MYT1L: variants seen among roughly 807,000 people sequenced by gnomAD.
The protein encoded by MYT1L is myelin transcription factor 1-like protein.
MYT1L carries 12 observed loss-of-function variants against 126.7 expected under a neutral mutation model. The ratio of observed to expected loss-of-function variants is 0.09; its 90% CI spans 0.06 to 0.15. The LOEUF is 0.15. MYT1L is among the 10% of genes least tolerant of loss of function. The pLI is 1.00. For synonymous variants in MYT1L, 541 were observed against 604.2 expected (o/e 0.90, Z 1.53); for missense variants, 979 against 1,585.2 (o/e 0.62, Z 6.49).
chr2:2,095,885 G>A (rs1165629757), intron 3 of MYT1L, among the ~76,000 whole-genome samples: 1 of 152,154 alleles, frequency 6.6e-6, no homozygotes. Flanking sequence ...TGCCCAGGGG[G>A]AATTGCACAG....
intron 5 of MYT1L, among the ~76,000 whole-genome samples, chr2:1,985,779 G>GCCC (rs1039658381): frequency 2.0e-5 from 3 of 152,158 alleles, no homozygotes; most frequent in African/African-American, 7.2e-5. Flanking sequence ...CTTGTAATAG[G>GCCC]CCCCCTAGAG....
At chr2:2,023,306 G>A (rs899547294) in intron 4 of MYT1L, among the ~76,000 whole-genome samples, 2 of 152,194 alleles carry the variant, frequency 1.3e-5, no homozygotes, top group Non-Finnish European at 2.9e-5. Context: ...TGCATGAACT[G>A]TTCATCTCAG....
At chr2:1,871,917 G>A (rs898999526) in intron 18 of MYT1L, among the ~76,000 whole-genome samples, 14 of 152,100 alleles carry the variant, frequency 9.2e-5, no homozygotes, top group African/African-American at 1.7e-4. Flanking sequence ...AGAGGTCATC[G>A]CTGAGACATG....
At chr2:1,839,578 G>A (rs2041378180) in intron 20 of MYT1L, among the ~76,000 whole-genome samples, 1 of 152,248 alleles carries the variant, frequency 6.6e-6, no homozygotes, top group African/African-American at 2.4e-5. Flanking sequence ...CTGCGCAGAA[G>A]GCCTGACCCA....
At position 2,198,189 on chromosome 2, in the gene MYT1L, A is replaced by T. The variant is rs184844334; in HGVS notation, c.-420-25201T>A. On this transcript the variant is annotated intron_variant, in intron 2 of 24. Transcript: ENST00000647738. ...AGAAAGACAAACACTGCATGATTTCATTCATACATAGAGGCTAAAACAGTT... is the reference window on the plus strand; with the variant it reads ...AGAAAGACAAACACTGCATGATTTCTTTCATACATAGAGGCTAAAACAGTT... Among the ~76,000 whole-genome samples the T allele has an allele frequency of 2.8e-3, 420 of 152,322 alleles. 4 individuals are homozygous for T. The highest frequency in any genetic ancestry group is 3.8e-3 in the Non-Finnish European group (259 of 68,038).
chr2:1,940,580 G>C (rs900531866), intron 9 of MYT1L, among the ~76,000 whole-genome samples: 13 of 149,848 alleles, frequency 8.7e-5, no homozygotes, highest in Admixed American at 5.3e-4. Context: ...AGTAAACTGG[G>C]TGCACCTGTC....
chr2:2,044,831 G>A (rs1195717274), intron 4 of MYT1L, among the ~76,000 whole-genome samples: 2 of 152,194 alleles, frequency 1.3e-5, no homozygotes, highest in Non-Finnish European at 2.9e-5. Context: ...TGTTCCCGAT[G>A]CCTCAACCCC....
chr2:2,188,764 CAG>C (rs2092384202), intron 2 of MYT1L, among the ~76,000 whole-genome samples: 1 of 152,266 alleles, frequency 6.6e-6, no homozygotes, highest in East Asian at 1.9e-4. Context: ...TTAAGAAAAT[CAG>C]AGAGAAGAAG....
chr2:1,948,520 A>G (rs1295836593), intron 8 of MYT1L, among the ~76,000 whole-genome samples: 1 of 152,174 alleles, frequency 6.6e-6, no homozygotes, highest in African/African-American at 2.4e-5. Flanking sequence ...AAAGGTTTAG[A>G]ATATTTCAAA....
chr2:1,851,613 T>G (rs1267148044), intron 19 of MYT1L, 28 bp downstream of exon 19: 3 of 1,605,090 alleles, frequency 1.9e-6, no homozygotes, highest in African/African-American at 1.3e-5. Flanking sequence ...AAGAGCATTT[T>G]GGAGAGAAGA....
intron 3 of MYT1L, among the ~76,000 whole-genome samples, chr2:2,113,760 C>T (rs1186614456): frequency 2.6e-5 from 4 of 152,304 alleles, no homozygotes; most frequent in African/African-American, 9.6e-5. Context: ...GAAAACATTA[C>T]TGCCTCCATT....
rs1317099721 is a variant in MYT1L at position 1,969,742 on chromosome 2, C to T, written c.152+9423G>A. 3.9e-5 allele frequency among the ~76,000 whole-genome samples: 6 copies of T among 152,306 alleles called. No homozygotes were observed. The East Asian group carries it at 1.2e-3, about 29-fold the overall frequency. On this transcript the variant is annotated intron_variant, in intron 8 of 24. Coordinates refer to ENST00000647738, the MANE Select transcript of MYT1L (RefSeq NM_001303052.2). Reference sequence around the variant, plus strand: ...CTTCCAGAAAGGCCTTCCTGCAGCCCTCTCTGGACACTGAGGGCAGCTGTC... The same window carrying T: ...CTTCCAGAAAGGCCTTCCTGCAGCCTTCTCTGGACACTGAGGGCAGCTGTC...
At chr2:1,813,100 TTCCGCCG>T (rs1245417873) in intron 21 of MYT1L, among the ~76,000 whole-genome samples, 2 of 152,110 alleles carry the variant, frequency 1.3e-5, no homozygotes, top group Non-Finnish European at 2.9e-5. Context: ...CTCTCTGGCC[TTCCGCCG>T]TCTGAACCTC....
chr2:2,253,265 G>A (rs2094706077), intron 2 of MYT1L, among the ~76,000 whole-genome samples: 1 of 152,246 alleles, frequency 6.6e-6, no homozygotes, highest in South Asian at 2.1e-4. Flanking sequence ...CCTCGCAGGA[G>A]CCTCCCTTCT....
intron 21 of MYT1L, among the ~76,000 whole-genome samples, chr2:1,838,783 T>C (rs2041241935): frequency 6.6e-6 from 1 of 152,236 alleles, no homozygotes; most frequent in Non-Finnish European, 1.5e-5. Context: ...TGCCATCCTC[T>C]TTCCCCCAAT....
At chr2:2,086,043 T>C (rs142590823) in intron 3 of MYT1L, among the ~76,000 whole-genome samples, 1 of 152,356 alleles carries the variant, frequency 6.6e-6, no homozygotes, top group African/African-American at 2.4e-5. Context: ...GATCTCATTC[T>C]GATTTCGAAG....
intron 4 of MYT1L, among the ~76,000 whole-genome samples, chr2:2,047,336 G>A (rs937229479): frequency 6.6e-6 from 1 of 152,148 alleles, no homozygotes; most frequent in African/African-American, 2.4e-5. Flanking sequence ...AGATACCTAT[G>A]ATATTAACGC....
intron 3 of MYT1L, among the ~76,000 whole-genome samples, chr2:2,084,874 G>A (rs996109085): frequency 1.3e-5 from 2 of 152,188 alleles, no homozygotes; most frequent in African/African-American, 4.8e-5. Flanking sequence ...TGGTGTAAAC[G>A]TTGGAGGAGG....
chr2:2,280,460 T>C (rs2095431527), intron 2 of MYT1L, among the ~76,000 whole-genome samples: 2 of 152,176 alleles, frequency 1.3e-5, no homozygotes, highest in Admixed American at 1.3e-4. Flanking sequence ...ACCTGCCCAT[T>C]CCATATAAGA....
Sources: allele counts gnomAD v4.1 joint callset (sites outside exome capture counted in the v4.1 genomes callset), GRCh38; gene constraint gnomAD v4.1.1; transcripts MANE v1.5; gene names NCBI Gene and HGNC (gene_info 2026-07-23, HGNC 2026-07-21).